The following TAFA2 variants were observed in gnomAD, a reference collection of about 807,000 sequenced individuals.
TAFA2 encodes TAFA chemokine like family member 2.
Under a neutral mutation model 18.8 loss-of-function variants are expected in TAFA2, and 7 were observed. The observed-to-expected ratio is 0.37, with a 90% CI of 0.21 to 0.70. The LOEUF is 0.70. TAFA2 is among the 30% of genes least tolerant of loss of function. TAFA2 has a pLI of 0.53. For synonymous variants in TAFA2, 60 were observed against 54.2 expected (o/e 1.11, Z -0.47); for missense variants, 122 against 158.1 (o/e 0.77, Z 1.23).
At chr12:62,085,849 C>T (rs1380519217) in intron 1 of TAFA2, among the ~76,000 whole-genome samples, 1 of 152,030 alleles carries the variant, frequency 6.6e-6, no homozygotes, top group Non-Finnish European at 1.5e-5. Flanking sequence ...GGGGAGGGAC[C>T]TGGTGGAGGT....
intron 1 of TAFA2, among the ~76,000 whole-genome samples, chr12:62,224,302 A>C (rs1470882231): frequency 1.3e-5 from 2 of 152,164 alleles, no homozygotes; most frequent in Non-Finnish European, 2.9e-5. Flanking sequence ...CCACAGCAAA[A>C]TACCATAATC....
chr12:61,986,900 T>A (rs914386086), intron 1 of TAFA2, among the ~76,000 whole-genome samples: 4 of 152,152 alleles, frequency 2.6e-5, no homozygotes, highest in African/African-American at 9.7e-5. Context: ...AAGTAGACCG[T>A]CTATGTCCGA....
intron 1 of TAFA2, among the ~76,000 whole-genome samples, chr12:62,132,417 A>G (rs187128082): frequency 1.5e-4 from 23 of 151,988 alleles, no homozygotes; most frequent in Non-Finnish European, 2.9e-4. Flanking sequence ...CCCCAGCTCC[A>G]AGAGTGGTCT....
chr12:62,053,055 G>A lies in TAFA2; in HGVS notation c.-2+138204C>T, dbSNP rs182408153. Among the ~76,000 whole-genome samples the A allele has an allele frequency of 9.3e-5, 14 of 151,250 alleles. No homozygotes were observed. In the East Asian group the frequency reaches 2.8e-3, roughly 30 times the overall value. ...TGAATGGAGCTTCAGCCAAAATATT[G>A]CAAAGATTCAAAATTTAATTTCCTG... is the stretch of plus-strand genomic sequence containing the variant. On this transcript the variant is annotated intron_variant, in intron 1 of 4. Coordinates refer to ENST00000416284, the MANE Select transcript of TAFA2 (RefSeq NM_178539.5).
At chr12:61,820,900 T>C (rs780272599) in intron 2 of TAFA2, among the ~76,000 whole-genome samples, 6 of 152,024 alleles carry the variant, frequency 3.9e-5, no homozygotes, top group Non-Finnish European at 7.4e-5. Context: ...TTCTTATTCT[T>C]TGTTTTGAAA....
intron 2 of TAFA2, among the ~76,000 whole-genome samples, chr12:61,756,495 T>G (rs1346189943): frequency 6.6e-6 from 1 of 152,088 alleles, no homozygotes; most frequent in African/African-American, 2.4e-5. Context: ...CTTCTCTACA[T>G]TTCTTTATTA....
chr12:61,755,062 C>A, intron 2 of TAFA2, 38 bp from the exon 3 acceptor site: 1 of 1,603,036 alleles, frequency 6.2e-7, no homozygotes, highest in Non-Finnish European at 8.5e-7. Context: ...ATTGAGAAAG[C>A]TTTGGACACT....
At chr12:61,916,068 C>T (rs771164399) in intron 1 of TAFA2, among the ~76,000 whole-genome samples, 1 of 152,176 alleles carries the variant, frequency 6.6e-6, no homozygotes, top group Non-Finnish European at 1.5e-5. Context: ...TAAGCCAAGC[C>T]TAGGATCTTC....
chr12:62,216,138 A>T (rs963209179), intron 1 of TAFA2, among the ~76,000 whole-genome samples: 1 of 152,230 alleles, frequency 6.6e-6, no homozygotes, highest in Admixed American at 6.5e-5. Context: ...TTAGAGAACC[A>T]GCATATGGGG....
At chr12:61,906,621 G>A (rs562419787) in intron 1 of TAFA2, among the ~76,000 whole-genome samples, 1 of 151,660 alleles carries the variant, frequency 6.6e-6, no homozygotes, top group East Asian at 1.9e-4. Flanking sequence ...AAATGTGGAA[G>A]TGACTTTGGA....
intron 2 of TAFA2, among the ~76,000 whole-genome samples, chr12:61,797,504 T>TTGGAAGAATTACACAGCAAATTGGCC (rs1272498708): frequency 2.6e-5 from 4 of 152,080 alleles, no homozygotes; most frequent in Non-Finnish European, 5.9e-5. Flanking sequence ...AGGAAATGGT[T>TTGGAAGAATTACACAGCAAATTGGCC]TGGAAGAATT....
At chr12:61,751,560 C>T (rs908110816) in intron 4 of TAFA2, among the ~76,000 whole-genome samples, 3 of 151,924 alleles carry the variant, frequency 2.0e-5, no homozygotes, top group African/African-American at 7.2e-5. Context: ...AATCTAAACA[C>T]CTACTGTTGT....
intron 1 of TAFA2, among the ~76,000 whole-genome samples, chr12:61,978,524 A>G (rs140898892): frequency 7.9e-5 from 12 of 152,158 alleles, no homozygotes; most frequent in African/African-American, 2.4e-4. Context: ...AGACAGAAGT[A>G]CCACGGGGGA....
At chr12:62,092,558 T>C (rs1025123774) in intron 1 of TAFA2, among the ~76,000 whole-genome samples, 1 of 152,040 alleles carries the variant, frequency 6.6e-6, no homozygotes, top group African/African-American at 2.4e-5. Context: ...ACTTCTAGAA[T>C]ACCAAACTCA....
At chr12:61,748,336 C>T (rs557817733) in intron 4 of TAFA2, among the ~76,000 whole-genome samples, 61 of 152,122 alleles carry the variant, frequency 4.0e-4, no homozygotes, top group African/African-American at 1.4e-3. Context: ...ACAGTCTGTG[C>T]TGTGGACCAG....
intron 1 of TAFA2, among the ~76,000 whole-genome samples, chr12:62,144,676 A>C (rs536342648): frequency 6.6e-6 from 1 of 152,326 alleles, no homozygotes; most frequent in Admixed American, 6.5e-5. Flanking sequence ...AAAAGAAGGC[A>C]CCCTTAATAT....
At chr12:62,202,370 A>T (rs142393965) in intron 1 of TAFA2, among the ~76,000 whole-genome samples, 1,531 of 151,310 alleles carry the variant, frequency 0.01, 21 homozygotes, top group African/African-American at 0.03. Flanking sequence ...TTTTTGAGAC[A>T]GAGTCTCGCT....
chr12:62,221,406 C>A (rs1329858823), intron 1 of TAFA2, among the ~76,000 whole-genome samples: 1 of 152,080 alleles, frequency 6.6e-6, no homozygotes, highest in Non-Finnish European at 1.5e-5. Flanking sequence ...TAGTAGGCAT[C>A]TAGGTTGGTA....
intron 2 of TAFA2, among the ~76,000 whole-genome samples, chr12:61,815,389 G>T (rs1410320145): frequency 1.3e-5 from 2 of 151,362 alleles, no homozygotes; most frequent in African/African-American, 4.9e-5. Flanking sequence ...AATTGAGGCT[G>T]GGCGTGGTGG....
Sources: allele counts gnomAD v4.1 joint callset (sites outside exome capture counted in the v4.1 genomes callset), GRCh38; gene constraint gnomAD v4.1.1; transcripts MANE v1.5; gene names NCBI Gene and HGNC (gene_info 2026-07-23, HGNC 2026-07-21).